MYO3A: variants seen among roughly 807,000 people sequenced by gnomAD.
MYO3A encodes the protein myosin-IIIa.
A neutral mutation model predicts 192.7 loss-of-function variants in MYO3A; 180 were observed. The observed-to-expected ratio is 0.93, with a 90% confidence interval of 0.83 to 1.06. The LOEUF is 1.06. Among genes scored for constraint, MYO3A ranks in the 50% least tolerant of loss-of-function variants. The pLI is 0.00. For synonymous variants in MYO3A, 628 were observed against 645.3 expected (o/e 0.97, Z 0.41); for missense variants, 1,896 against 1,905.0 (o/e 1.00, Z 0.09).
At chr10:26,124,022 A>AAAT (rs139893851) in intron 18 of MYO3A, among the ~76,000 whole-genome samples, 12 of 151,592 alleles carry the variant, frequency 7.9e-5, no homozygotes, top group South Asian at 2.1e-4. Flanking sequence ...TATCTCTACC[A>AAAT]AATAATAATA....
intron 31 of MYO3A, among the ~76,000 whole-genome samples, chr10:26,182,346 T>C (rs1410957204): frequency 6.6e-6 from 1 of 152,228 alleles, no homozygotes; most frequent in Non-Finnish European, 1.5e-5. Context: ...AAAAGTTTCT[T>C]TGATACTCCT....
At chr10:26,101,573 C>G (rs1435506657) in intron 17 of MYO3A, among the ~76,000 whole-genome samples, 1 of 152,140 alleles carries the variant, frequency 6.6e-6, no homozygotes, top group Non-Finnish European at 1.5e-5. Flanking sequence ...CCTTCAGGAG[C>G]TCTTGTAAGG....
intron 4 of MYO3A, among the ~76,000 whole-genome samples, chr10:25,964,616 A>G (rs1474310434): frequency 2.0e-5 from 3 of 152,130 alleles, no homozygotes; most frequent in African/African-American, 7.2e-5. Context: ...TCTACATAGG[A>G]TAAGAGTAGT....
intron 31 of MYO3A, 136 bp downstream of exon 31, chr10:26,176,981 T>C: frequency 9.8e-7 from 1 of 1,015,474 alleles, no homozygotes; most frequent in Non-Finnish European, 1.5e-6. Context: ...ATTTCATTTC[T>C]TATATGGAGA....
At position 25,954,938 on chromosome 10, in the gene MYO3A, T is replaced by C; in HGVS notation, c.233T>C (p.Val78Ala). 1 of 1,612,454 alleles carries C rather than the reference T, an allele frequency of 6.2e-7. No homozygotes were observed. The highest frequency in any genetic ancestry group is 8.5e-7 in the Non-Finnish European group (1 of 1,178,738). The change falls in exon 4 of 35, where the codon GTG (valine) becomes GCG (alanine). Residue 78 changes from valine to alanine, a missense_variant. Val to Ala is a moderately conservative substitution (Grantham distance 64). Transcript: ENST00000642920. ...ILKALSDHPN[V>A]VRFYGIYFKK... ...AAAGCACTTTCTGACCACCCTAATG[T>C]GGTCAGATTCTATGGGATATACTTT...
At chr10:26,096,007 C>T (rs1440706509) in intron 15 of MYO3A, among the ~76,000 whole-genome samples, 2 of 152,078 alleles carry the variant, frequency 1.3e-5, no homozygotes, top group Non-Finnish European at 1.5e-5. Flanking sequence ...GACAATGTAG[C>T]ACTTGTAACC....
intron 34 of MYO3A, among the ~76,000 whole-genome samples, chr10:26,211,249 G>A (rs1010038425): frequency 5.9e-5 from 9 of 152,190 alleles, no homozygotes; most frequent in Non-Finnish European, 1.2e-4. Flanking sequence ...CAGACAAGCT[G>A]CAGAATCTGA....
chr10:26,112,440 T>C (rs1437393202), intron 17 of MYO3A, among the ~76,000 whole-genome samples: 1 of 152,280 alleles, frequency 6.6e-6, no homozygotes, highest in Non-Finnish European at 1.5e-5. Context: ...TTATTGGCTT[T>C]CTTGGATATG....
chr10:25,947,184 C>T (rs1191730535), intron 2 of MYO3A, among the ~76,000 whole-genome samples: 1 of 151,856 alleles, frequency 6.6e-6, no homozygotes, highest in African/African-American at 2.4e-5. Flanking sequence ...TTTTCTTCTG[C>T]CTATTCAAGT....
chr10:26,016,485 CA>C (rs1841991354), intron 6 of MYO3A, among the ~76,000 whole-genome samples: 1 of 152,054 alleles, frequency 6.6e-6, no homozygotes, highest in Non-Finnish European at 1.5e-5. Context: ...AATTACATGA[CA>C]AAATATGTAA....
At chr10:26,081,417 C>G (rs571779578) in intron 14 of MYO3A, among the ~76,000 whole-genome samples, 94 of 152,182 alleles carry the variant, frequency 6.2e-4, no homozygotes, top group Non-Finnish European at 1.2e-3. Context: ...CCACCATGCC[C>G]CCGCAACAAC....
At chr10:25,986,018 G>C (rs1839630706) in intron 4 of MYO3A, among the ~76,000 whole-genome samples, 1 of 152,136 alleles carries the variant, frequency 6.6e-6, no homozygotes, top group Non-Finnish European at 1.5e-5. Context: ...ATGATCAAGT[G>C]GGTTTTATAC....
chr10:26,078,951 A>G (rs1467779428), intron 14 of MYO3A, among the ~76,000 whole-genome samples: 2 of 152,142 alleles, frequency 1.3e-5, no homozygotes, highest in Non-Finnish European at 2.9e-5. Flanking sequence ...TCTTGGAGAA[A>G]GTTCCATGCA....
At chr10:26,107,942 CTTT>C (rs200983013) in intron 17 of MYO3A, among the ~76,000 whole-genome samples, 1 of 150,520 alleles carries the variant, frequency 6.6e-6, no homozygotes, top group Non-Finnish European at 1.5e-5. Flanking sequence ...TTCTTCTGTT[CTTT>C]TTTTTTAAGA....
At chr10:26,012,115 C>T (rs185981681) in intron 6 of MYO3A, among the ~76,000 whole-genome samples, 20 of 152,118 alleles carry the variant, frequency 1.3e-4, no homozygotes, top group South Asian at 6.2e-4. Flanking sequence ...TAATAAAAAC[C>T]GTCTATGACA....
intron 30 of MYO3A, among the ~76,000 whole-genome samples, 195 bp downstream of exon 30, chr10:26,174,752 A>G (rs1225616480): frequency 6.6e-6 from 1 of 152,204 alleles, no homozygotes; most frequent in Non-Finnish European, 1.5e-5. Flanking sequence ...CGTGGTAACA[A>G]TAGTATAAAA....
chr10:26,048,094 A>C (rs980066666), intron 10 of MYO3A, among the ~76,000 whole-genome samples: 3 of 152,148 alleles, frequency 2.0e-5, no homozygotes, highest in Non-Finnish European at 4.4e-5. Flanking sequence ...AGGGGGAGAA[A>C]TATTTTTTAA....
chr10:26,149,856 C>T (rs1840697691), intron 23 of MYO3A, among the ~76,000 whole-genome samples: 1 of 152,120 alleles, frequency 6.6e-6, no homozygotes, highest in Admixed American at 6.5e-5. Context: ...AGCATCTCCC[C>T]AACCTACCTC....
Position 26,212,174 on chromosome 10 carries a change from CG to C in MYO3A, c.*212del, listed in dbSNP as rs1844251982. 3.0e-6 allele frequency: 2 copies of C among 659,004 alleles called. No homozygotes were observed. The highest frequency in any genetic ancestry group is 4.9e-6 in the Non-Finnish European group (2 of 410,520). 40.8% of individuals were successfully genotyped at this position (659,004 alleles called of 1,614,324 possible). On this transcript the variant is annotated 3_prime_UTR_variant, in exon 35 of 35. Coordinates refer to ENST00000642920, the MANE Select transcript of MYO3A (RefSeq NM_017433.5). Reference sequence around the variant, plus strand: ...CTGGGAGCCCTCGGGAAACCTCCCCCGACGCTCTCTCTCGGAACTCCCGCAC... The same window carrying C: ...CTGGGAGCCCTCGGGAAACCTCCCCCACGCTCTCTCTCGGAACTCCCGCAC...
Sources: allele counts gnomAD v4.1 joint callset (sites outside exome capture counted in the v4.1 genomes callset), GRCh38; gene constraint gnomAD v4.1.1; transcripts MANE v1.5; gene names NCBI Gene and HGNC (gene_info 2026-07-23, HGNC 2026-07-21).